Variants in ZNF385B observed in about 807,000 individuals in gnomAD.
ZNF385B encodes the protein zinc finger protein 533.
In ZNF385B, 23 loss-of-function variants were observed where a neutral mutation model predicts 39.2. That is an observed-to-expected ratio of 0.59 (90% CI 0.42 to 0.83). ZNF385B has a LOEUF of 0.83. Among genes scored for constraint, ZNF385B ranks in the 40% least tolerant of loss-of-function variants. The pLI, the probability that ZNF385B is intolerant of heterozygous loss-of-function variation, is 0.00. For synonymous variants in ZNF385B, 205 were observed against 222.6 expected (o/e 0.92, Z 0.70); for missense variants, 552 against 598.9 (o/e 0.92, Z 0.82).
intron 3 of ZNF385B, among the ~76,000 whole-genome samples, chr2:179,745,183 G>A (rs535301632): frequency 9.9e-5 from 15 of 152,044 alleles, no homozygotes; most frequent in African/African-American, 3.6e-4. Context: ...GTACATGACC[G>A]GTCATAACTT....
intron 3 of ZNF385B, among the ~76,000 whole-genome samples, chr2:179,545,966 G>A (rs2060205848): frequency 6.6e-6 from 1 of 152,004 alleles, no homozygotes; most frequent in East Asian, 1.9e-4. Context: ...TAGTCAGCTT[G>A]TTGTGCTATC....
At chr2:179,612,602 G>A (rs934671180) in intron 3 of ZNF385B, among the ~76,000 whole-genome samples, 3 of 152,150 alleles carry the variant, frequency 2.0e-5, no homozygotes, top group African/African-American at 7.2e-5. Flanking sequence ...CTCCCTCTCT[G>A]TGCTGAGTTA....
At chr2:179,446,448 C>T in intron 7 of ZNF385B, 77 bp downstream of exon 7, 2 of 1,528,504 alleles carry the variant, frequency 1.3e-6, no homozygotes, top group Admixed American at 2.0e-5. Flanking sequence ...GTCTGAACAA[C>T]AAAAGATATG....
intron 6 of ZNF385B, among the ~76,000 whole-genome samples, chr2:179,449,092 T>C (rs2049808812): frequency 6.6e-6 from 1 of 152,126 alleles, no homozygotes; most frequent in South Asian, 2.1e-4. Context: ...GCTGACAATG[T>C]GCTAGACACT....
intron 3 of ZNF385B, among the ~76,000 whole-genome samples, chr2:179,625,311 AAGAG>A (rs924830483): frequency 1.3e-5 from 2 of 152,042 alleles, no homozygotes; most frequent in Admixed American, 1.3e-4. Context: ...GAATAAGACT[AAGAG>A]AGAGAGAACT....
intron 4 of ZNF385B, among the ~76,000 whole-genome samples, chr2:179,535,718 A>T (rs1490830010): frequency 1.3e-5 from 2 of 152,260 alleles, no homozygotes; most frequent in Non-Finnish European, 2.9e-5. Flanking sequence ...AAAGGAAGGT[A>T]AACCTAAATT....
chr2:179,649,499 T>G (rs1693021858), intron 3 of ZNF385B, among the ~76,000 whole-genome samples: 1 of 152,228 alleles, frequency 6.6e-6, no homozygotes, highest in Non-Finnish European at 1.5e-5. Flanking sequence ...GGTTCTATAT[T>G]GCAGATTTTC....
intron 3 of ZNF385B, among the ~76,000 whole-genome samples, chr2:179,756,646 A>G (rs150120316): frequency 6.6e-6 from 1 of 152,002 alleles, no homozygotes; most frequent in Non-Finnish European, 1.5e-5. Context: ...CTTTTCACCT[A>G]GTCCCATATA....
chr2:179,523,196 A>G (rs2105824291), intron 4 of ZNF385B, among the ~76,000 whole-genome samples: 1 of 152,310 alleles, frequency 6.6e-6, no homozygotes, highest in South Asian at 2.1e-4. Flanking sequence ...ATTGGAGGCC[A>G]TGTACAGACA....
At chr2:179,751,173 C>T (rs1044714742) in intron 3 of ZNF385B, among the ~76,000 whole-genome samples, 1 of 145,252 alleles carries the variant, frequency 6.9e-6, no homozygotes, top group African/African-American at 2.6e-5. Flanking sequence ...CCACCCCCTG[C>T]CATGTCTCCC....
intron 4 of ZNF385B, among the ~76,000 whole-genome samples, chr2:179,520,883 T>A (rs1450836194): frequency 6.6e-6 from 1 of 152,180 alleles, no homozygotes; most frequent in African/African-American, 2.4e-5. Flanking sequence ...ACTTAAACAA[T>A]AAATCATAGA....
At chr2:179,854,381 C>A (rs1009772253) in intron 1 of ZNF385B, among the ~76,000 whole-genome samples, 2 of 151,932 alleles carry the variant, frequency 1.3e-5, no homozygotes, top group Admixed American at 1.3e-4. Context: ...TCTTTTAACT[C>A]TAAACATACA....
intron 3 of ZNF385B, among the ~76,000 whole-genome samples, chr2:179,757,927 C>T (rs1703145399): frequency 6.6e-6 from 1 of 152,144 alleles, no homozygotes. Context: ...GGCGATGCCT[C>T]ACCCTGCTTT....
intron 3 of ZNF385B, among the ~76,000 whole-genome samples, chr2:179,575,073 T>C (rs1412878147): frequency 1.3e-5 from 2 of 152,040 alleles, no homozygotes; most frequent in Non-Finnish European, 2.9e-5. Flanking sequence ...CTCAGGGTAT[T>C]ATCTCTCTGC....
At position 179,739,998 on chromosome 2, in the gene ZNF385B, A is replaced by G. The variant is rs561095120; in HGVS notation, c.298+29505T>C. 2.6e-5 allele frequency among the ~76,000 whole-genome samples: 4 copies of G among 152,306 alleles called. No individual in the cohort carries two copies. In the South Asian group the frequency reaches 8.3e-4, roughly 32 times the overall value. On this transcript the variant is annotated intron_variant, in intron 3 of 9. Transcript: ENST00000410066. The stretch of plus-strand genomic sequence containing the variant: ...ACTATACTATTACCCATTGTGCAAT[A>G]ATAAAAAATACAGAAAGTATGGAAA...
intron 1 of ZNF385B, among the ~76,000 whole-genome samples, chr2:179,808,724 T>C (rs1242107082): frequency 1.3e-5 from 2 of 152,352 alleles, no homozygotes; most frequent in East Asian, 3.9e-4. Flanking sequence ...GGAGCATCTG[T>C]TACTGTGTCT....
chr2:179,496,383 C>T (rs1326949093), intron 5 of ZNF385B, among the ~76,000 whole-genome samples: 1 of 151,910 alleles, frequency 6.6e-6, no homozygotes, highest in Non-Finnish European at 1.5e-5. Context: ...GAGTTATTGG[C>T]CTTAAAGGGG....
At chr2:179,608,171 C>A (rs2106123258) in intron 3 of ZNF385B, among the ~76,000 whole-genome samples, 1 of 152,240 alleles carries the variant, frequency 6.6e-6, no homozygotes, top group East Asian at 1.9e-4. Context: ...ACCTCAGCCT[C>A]CCAAAATGCT....
At chr2:179,851,292 T>C (rs1049646054) in intron 1 of ZNF385B, among the ~76,000 whole-genome samples, 1 of 152,144 alleles carries the variant, frequency 6.6e-6, no homozygotes, top group Non-Finnish European at 1.5e-5. Flanking sequence ...CAGTACATTA[T>C]TTTCTAAATT....
Sources: gnomAD v4.1 joint callset for allele counts (sites outside exome capture counted in the v4.1 genomes callset) on GRCh38, gnomAD v4.1.1 for gene constraint, MANE v1.5 for transcripts, NCBI Gene and HGNC (gene_info 2026-07-23, HGNC 2026-07-21) for gene names.